Variants in ENPP2 observed in about 807,000 individuals in gnomAD.
ENPP2 encodes autotaxin.
Under a neutral mutation model 120.2 loss-of-function variants are expected in ENPP2, and 51 were observed. That is an observed-to-expected ratio of 0.42 (90% CI 0.34 to 0.54). ENPP2 has a LOEUF of 0.54. Among genes scored for constraint, ENPP2 ranks in the 20% least tolerant of loss-of-function variants. ENPP2 has a pLI of 0.04. For missense variants in ENPP2, 920 were observed against 1,066.5 expected (o/e 0.86, Z 1.91); for synonymous variants, 365 against 366.4 (o/e 1.00, Z 0.04).
chr8:119,638,420 C>G lies in ENPP2; in HGVS notation c.136+5G>C. The G allele has an allele frequency of 3.4e-6, 5 of 1,479,982 alleles. No individual in the cohort carries two copies. Among genetic ancestry groups the G allele is most frequent in the Non-Finnish European group, 4.7e-6 (5 of 1,058,088 alleles). The allele number at this position is 1,479,982 out of a possible 1,614,324, so 91.7% of individuals were successfully genotyped here. A position where few individuals can be genotyped will look rare whatever the true frequency, so the allele number is the denominator to read the frequency against. ...ATTGAAAATGCAAATAGTTTTGACA[C>G]TTACCTGTAGGAGGACCTTCCTCCC... On this transcript the variant is annotated splice_donor_5th_base_variant and intron_variant, in intron 2 of 24. Transcript: ENST00000075322.
intron 18 of ENPP2, 193 bp from the exon 19 acceptor site, chr8:119,580,360 CTA>C (rs1812649086): frequency 1.7e-6 from 1 of 604,596 alleles, no homozygotes; most frequent in South Asian, 2.0e-5. Context: ...TCTAGCAGTT[CTA>C]TGTTTGTAAG....
chr8:119,666,000 C>T (rs1818057194), intron 1 of ENPP2, among the ~76,000 whole-genome samples: 1 of 152,114 alleles, frequency 6.6e-6, no homozygotes, highest in Admixed American at 6.5e-5. Flanking sequence ...ATCTAGAATA[C>T]AATACACCCA....
At chr8:119,595,698 A>G in intron 11 of ENPP2, 2 of 710,674 alleles carry the variant, frequency 2.8e-6, no homozygotes, top group Non-Finnish European at 4.9e-6. Context: ...TAACCTCTGA[A>G]GTACCACATT....
chr8:119,627,213 C>T (rs1039398024), intron 2 of ENPP2, among the ~76,000 whole-genome samples: 5 of 151,828 alleles, frequency 3.3e-5, no homozygotes, highest in African/African-American at 9.7e-5. Context: ...AAGAACAGAA[C>T]GAATATATGA....
intron 8 of ENPP2, among the ~76,000 whole-genome samples, chr8:119,615,349 G>T (rs1421934553): frequency 6.6e-6 from 1 of 152,124 alleles, no homozygotes; most frequent in Non-Finnish European, 1.5e-5. Context: ...CCTGGGTTAT[G>T]TTCCTAGGTG....
intron 23 of ENPP2, among the ~76,000 whole-genome samples, chr8:119,563,935 A>G (rs1814176702): frequency 6.6e-6 from 1 of 151,398 alleles, no homozygotes; most frequent in Non-Finnish European, 1.5e-5. Flanking sequence ...TCATGCTTGT[A>G]TAAAATTAAA....
intron 19 of ENPP2, among the ~76,000 whole-genome samples, chr8:119,579,588 T>G (rs1022863630): frequency 7.3e-5 from 11 of 151,548 alleles, no homozygotes; most frequent in Non-Finnish European, 1.6e-4. Flanking sequence ...GGTCATATCA[T>G]AAGCTTGCGA....
chr8:119,641,863 T>C (rs1487643947), upstream of ENPP2, among the ~76,000 whole-genome samples: 1 of 152,212 alleles, frequency 6.6e-6, no homozygotes, highest in Non-Finnish European at 1.5e-5. Flanking sequence ...GCAGACGTGA[T>C]TGACTGGCTT....
chr8:119,604,012 C>CTTTTT (rs35136821), intron 9 of ENPP2, among the ~76,000 whole-genome samples: 5 of 136,600 alleles, frequency 3.7e-5, no homozygotes, highest in Admixed American at 7.4e-5. Flanking sequence ...CAATCTCTCT[C>CTTTTT]TTTTTTTTTT....
chr8:119,615,859 C>A (rs1001096470), intron 8 of ENPP2, among the ~76,000 whole-genome samples: 2 of 152,042 alleles, frequency 1.3e-5, no homozygotes, highest in Admixed American at 6.5e-5. Context: ...AAATTCACCT[C>A]ATCACCATTG....
At chr8:119,587,647 T>C (rs1813208375) in intron 13 of ENPP2, among the ~76,000 whole-genome samples, 1 of 152,200 alleles carries the variant, frequency 6.6e-6, no homozygotes, top group East Asian at 1.9e-4. Flanking sequence ...TCCTTTATTT[T>C]CAATAGCATC....
rs144204569 is a variant in ENPP2, at chr8:119,608,087, A to G, written c.778-110T>C. The G allele has an allele frequency of 1.1e-4, 61 of 572,460 alleles. No individual in the cohort carries two copies. The African/African-American group carries it at 1.1e-3, about 10-fold the overall frequency. 35.5% of individuals were successfully genotyped at this position (572,460 alleles called of 1,614,324 possible). On this transcript the variant is annotated intron_variant, in intron 8 of 24. Coordinates refer to ENST00000075322, the MANE Select transcript of ENPP2 (RefSeq NM_001040092.3). Reference sequence around the variant, plus strand: ...TATCTTATACTCTACTCACACCCCAACATAAATTTTCCATTATTTGCAACC... The same window carrying G: ...TATCTTATACTCTACTCACACCCCAGCATAAATTTTCCATTATTTGCAACC...
rs1220082054 is a variant in ENPP2 at position 119,605,428 on chromosome 8, ATATGTGTG to A, written c.833+2486_833+2493del. ...CAACATCCCATGATGAAGATACCAT[ATATGTGTG>A]TGTGTGTGTGTGTGTGTGTGTGTGT... is the stretch of plus-strand genomic sequence containing the variant. On this transcript the variant is annotated intron_variant, in intron 9 of 24. Transcript: ENST00000075322. 1.6e-4 allele frequency among the ~76,000 whole-genome samples: 21 copies of A among 135,462 alleles called. 1 individual carries two copies. Among genetic ancestry groups the A allele is most frequent in the South Asian group, 7.6e-4 (3 of 3,966 alleles). The allele number at this position is 135,462 out of a possible 152,430, so 88.9% of individuals were successfully genotyped here.
intron 11 of ENPP2, among the ~76,000 whole-genome samples, chr8:119,595,219 T>C (rs1813802447): frequency 6.6e-6 from 1 of 152,192 alleles, no homozygotes; most frequent in Non-Finnish European, 1.5e-5. Context: ...TTCTTAGGGA[T>C]CAGTTCAGAG....
At chr8:119,661,457 T>A (rs1563779543) in intron 1 of ENPP2, among the ~76,000 whole-genome samples, 1 of 152,066 alleles carries the variant, frequency 6.6e-6, no homozygotes, top group Non-Finnish European at 1.5e-5. Flanking sequence ...AAAACCACAA[T>A]GAAATATCAC....
chr8:119,590,436 G>T, intron 13 of ENPP2, 69 bp downstream of exon 13: 2 of 1,266,220 alleles, frequency 1.6e-6, no homozygotes, highest in Non-Finnish European at 1.1e-6. Flanking sequence ...TTCAGCTTTA[G>T]AAAACAAGCC....
chr8:119,637,124 C>T (rs1234945471), intron 2 of ENPP2, among the ~76,000 whole-genome samples: 4 of 152,196 alleles, frequency 2.6e-5, no homozygotes, highest in African/African-American at 2.4e-5. Flanking sequence ...AGCTTTCCCA[C>T]ATGACCATGC....
upstream of ENPP2, among the ~76,000 whole-genome samples, chr8:119,640,731 G>A (rs1012038385): frequency 6.6e-6 from 1 of 151,694 alleles, no homozygotes; most frequent in Non-Finnish European, 1.5e-5. Context: ...CTATTTCTTT[G>A]TTTTTTTGTT....
intron 9 of ENPP2, among the ~76,000 whole-genome samples, chr8:119,604,018 T>TCC (rs1814508408): frequency 6.8e-6 from 1 of 146,858 alleles, no homozygotes; most frequent in Non-Finnish European, 1.5e-5. Context: ...CTCTCTTTTT[T>TCC]TTTTTTTTTT....
Sources: gnomAD v4.1 joint callset for allele counts (sites outside exome capture counted in the v4.1 genomes callset) on GRCh38, gnomAD v4.1.1 for gene constraint, MANE v1.5 for transcripts, NCBI Gene and HGNC (gene_info 2026-07-23, HGNC 2026-07-21) for gene names.